The following GRAMD4 variants were observed in gnomAD, a reference collection of about 807,000 sequenced individuals.
The protein encoded by GRAMD4 is GRAM domain containing 4.
In GRAMD4, 25 loss-of-function variants were observed where a neutral mutation model predicts 83.9. The observed-to-expected ratio is 0.30, with a 90% CI of 0.22 to 0.42. GRAMD4 has a LOEUF of 0.42. Ranked by LOEUF, GRAMD4 falls within the 10% of genes least tolerant of loss-of-function variation. The pLI is 1.00. For synonymous variants in GRAMD4, 336 were observed against 320.9 expected, an observed-to-expected ratio of 1.05 and a Z score of -0.50; for missense variants, 593 against 788.7, an observed-to-expected ratio of 0.75 and a Z score of 2.97.
chr22:46,582,716 G>A (rs1470647965), intron 1 of GRAMD4, among the ~76,000 whole-genome samples: 1 of 152,168 alleles, frequency 6.6e-6, no homozygotes, highest in East Asian at 1.9e-4. Context: ...TGGCCACCTG[G>A]CTGAGGTGTG....
intron 1 of GRAMD4, among the ~76,000 whole-genome samples, chr22:46,624,157 C>A (rs550346229): frequency 2.0e-5 from 3 of 151,468 alleles, no homozygotes; most frequent in African/African-American, 7.3e-5. Flanking sequence ...TGTTTTATAG[C>A]GTATTTTGAC....
chr22:46,624,783 C>T (rs192327979), intron 1 of GRAMD4, among the ~76,000 whole-genome samples: 310 of 152,322 alleles, frequency 2.0e-3, no homozygotes, highest in African/African-American at 7.3e-3. Flanking sequence ...CCCACATCCC[C>T]CTCCTGGGGT....
At chr22:46,588,208 C>G (rs763031310) in intron 1 of GRAMD4, among the ~76,000 whole-genome samples, 8 of 152,088 alleles carry the variant, frequency 5.3e-5, no homozygotes, top group Non-Finnish European at 8.8e-5. Flanking sequence ...GCTTTGAGAA[C>G]CTAGGAGCAT....
In GRAMD4 at chr22:46,583,746, T is replaced by C. The variant is rs374614536; in HGVS notation, c.-50+6456T>C. The stretch of plus-strand genomic sequence containing the variant: ...CGTCACGCCAGGCGCATACCTTCGA[T>C]GTGGCCCGCGGCTACTGGTGCTGAC... On this transcript the variant is annotated intron_variant, in intron 1 of 1. Coordinates refer to the GRAMD4 transcript ENST00000431155. Among the ~76,000 whole-genome samples, 66 of 152,306 alleles carry C rather than the reference T, an allele frequency of 4.3e-4. 1 individual carries two copies. The highest frequency in any genetic ancestry group is 1.5e-3 in the African/African-American group (62 of 41,542).
At chr22:46,674,600 G>A in intron 15 of GRAMD4, 57 bp from the exon 16 acceptor site, 1 of 1,185,444 alleles carries the variant, frequency 8.4e-7, no homozygotes, top group South Asian at 1.2e-5. Context: ...CCCAGCGTCA[G>A]GTCAGAGGCT....
In GRAMD4 at chr22:46,678,076, C is replaced by G. The variant is rs927830899; in HGVS notation, c.*825C>G. ...CAGGTAAAAGCACATCTTTCTCACA[C>G]TTTGCTCTTTGGAAGGCCCAGGAGA... On this transcript the variant is annotated 3_prime_UTR_variant, in exon 19 of 19. Coordinates refer to ENST00000406902, the MANE Select transcript of GRAMD4 (RefSeq NM_015124.5). 1.0e-5 allele frequency: 10 copies of G among 985,466 alleles called. No homozygotes were observed. The highest frequency in any genetic ancestry group is 1.2e-5 in the Non-Finnish European group (10 of 830,040). The allele number at this position is 985,466 out of a possible 1,614,324, so 61.0% of individuals were successfully genotyped here.
At chr22:46,592,721 G>C (rs1198340372) in intron 1 of GRAMD4, among the ~76,000 whole-genome samples, 1 of 152,188 alleles carries the variant, frequency 6.6e-6, no homozygotes, top group Admixed American at 6.5e-5. Flanking sequence ...AAAAACCCCA[G>C]TGTCGGCTGA....
chr22:46,649,388 T>A (rs1601633029), intron 3 of GRAMD4, among the ~76,000 whole-genome samples: 1 of 152,194 alleles, frequency 6.6e-6, no homozygotes, highest in East Asian at 1.9e-4. Flanking sequence ...GGCTCCGTGC[T>A]GGGCCGGAGC....
intron 3 of GRAMD4, among the ~76,000 whole-genome samples, chr22:46,639,000 C>T (rs1253424068): frequency 6.6e-6 from 1 of 152,254 alleles, no homozygotes; most frequent in Non-Finnish European, 1.5e-5. Flanking sequence ...GGTCCAAGGC[C>T]TGTCCACACA....
chr22:46,627,108 C>T (rs1040552362), intron 2 of GRAMD4, 147 bp downstream of exon 2: 15 of 627,910 alleles, frequency 2.4e-5, no homozygotes, highest in African/African-American at 1.5e-4. Context: ...CACCTGCTCC[C>T]GACCCCTGCA....
chr22:46,617,468 T>C (rs1250477499), upstream of GRAMD4, among the ~76,000 whole-genome samples: 2 of 151,376 alleles, frequency 1.3e-5, no homozygotes, highest in African/African-American at 2.4e-5. Context: ...GGTTCCCCTG[T>C]GTGTAGGTTC....
chr22:46,658,893 T>C (rs1024607982), intron 4 of GRAMD4, among the ~76,000 whole-genome samples: 1 of 151,730 alleles, frequency 6.6e-6, no homozygotes, highest in African/African-American at 2.4e-5. Context: ...CCTGACATCT[T>C]TGCTCTTGTT....
chr22:46,582,841 C>T (rs1246687799), intron 1 of GRAMD4, among the ~76,000 whole-genome samples: 6 of 152,190 alleles, frequency 3.9e-5, no homozygotes, highest in South Asian at 2.1e-4. Context: ...TCACCACAAT[C>T]GAAACCCAAA....
chr22:46,642,039 A>C (rs1015659766), intron 3 of GRAMD4, among the ~76,000 whole-genome samples: 1 of 152,218 alleles, frequency 6.6e-6, no homozygotes, highest in Non-Finnish European at 1.5e-5. Context: ...GAGACAGTGA[A>C]TGTAAACATA....
Position 46,661,871 on chromosome 22 carries a change from A to C in GRAMD4, c.466+429A>C, listed in dbSNP as rs568971979. Reference sequence around the variant, plus strand: ...GCTGTGAGTGGGGAGTTGGGGGTTCATGTGCCCTTTTATCTCTCTCCTCGT... The same window carrying C: ...GCTGTGAGTGGGGAGTTGGGGGTTCCTGTGCCCTTTTATCTCTCTCCTCGT... On this transcript the variant is annotated intron_variant, in intron 5 of 18. Coordinates refer to ENST00000406902, the MANE Select transcript of GRAMD4 (RefSeq NM_015124.5). Among the ~76,000 whole-genome samples, 5 of 152,242 alleles carry C rather than the reference A, an allele frequency of 3.3e-5. No homozygotes were observed. In the South Asian group the frequency reaches 1.0e-3, roughly 32 times the overall value.
At chr22:46,668,769 G>T in intron 12 of GRAMD4, 30 bp from the exon 13 acceptor site, 1 of 1,593,868 alleles carries the variant, frequency 6.3e-7, no homozygotes, top group South Asian at 1.1e-5. Context: ...TGCGGCGCCC[G>T]CCCGGCCTGA....
At chr22:46,623,834 T>G (rs1027473949) in intron 1 of GRAMD4, among the ~76,000 whole-genome samples, 2 of 150,084 alleles carry the variant, frequency 1.3e-5, no homozygotes, top group Non-Finnish European at 3.0e-5. Flanking sequence ...CAGGCTGGAG[T>G]GCAGTGGCGT....
intron 1 of GRAMD4, among the ~76,000 whole-genome samples, chr22:46,591,320 A>C (rs2081205442): frequency 2.0e-5 from 3 of 152,126 alleles, no homozygotes; most frequent in South Asian, 4.2e-4. Flanking sequence ...GAGTTTGAGA[A>C]CGGCCTGGGC....
chr22:46,611,316 T>C (rs546298563), intron 1 of GRAMD4, among the ~76,000 whole-genome samples: 4 of 151,936 alleles, frequency 2.6e-5, no homozygotes, highest in African/African-American at 9.6e-5. Flanking sequence ...AGCTGCCATA[T>C]GGTGTGATGG....
Sources: allele counts gnomAD v4.1 joint callset (sites outside exome capture counted in the v4.1 genomes callset), GRCh38; gene constraint gnomAD v4.1.1; transcripts MANE v1.5; gene names NCBI Gene and HGNC (gene_info 2026-07-23, HGNC 2026-07-21).